The following IGF1R variants were observed in gnomAD, a reference collection of about 807,000 sequenced individuals.
IGF1R encodes the protein insulin-like growth factor 1 receptor.
A neutral mutation model predicts 144.6 loss-of-function variants in IGF1R; 44 were observed. That is an observed-to-expected ratio of 0.30 (90% confidence interval 0.24 to 0.39). The LOEUF (loss-of-function observed/expected upper bound fraction) is 0.39, where lower values mean the gene tolerates loss of function less well. Among genes scored for constraint, IGF1R ranks in the 10% least tolerant of loss-of-function variants. The probability of loss-of-function intolerance (pLI) is 1.00; values close to 1 mark genes in which losing one functional copy is unlikely to be tolerated. For synonymous variants in IGF1R, 795 were observed against 722.8 expected, an observed-to-expected ratio of 1.10 and a Z score of -1.60; for missense variants, 1,355 against 1,833.7, an observed-to-expected ratio of 0.74 and a Z score of 4.77.
intron 2 of IGF1R, among the ~76,000 whole-genome samples, chr15:98,768,556 A>G (rs1022087898): frequency 1.3e-5 from 2 of 150,226 alleles, no homozygotes; most frequent in Non-Finnish European, 3.0e-5. Context: ...TGGAGGTTGC[A>G]GGGAGCCGAG....
intron 2 of IGF1R, among the ~76,000 whole-genome samples, chr15:98,830,667 C>T (rs1013165809): frequency 6.7e-6 from 1 of 149,148 alleles, no homozygotes; most frequent in Non-Finnish European, 1.5e-5. Context: ...ACAGTGGCGC[C>T]ATCTTGGCTC....
chr15:98,931,107 A>G (rs1183915192), intron 15 of IGF1R, among the ~76,000 whole-genome samples: 1 of 152,204 alleles, frequency 6.6e-6, no homozygotes, highest in Non-Finnish European at 1.5e-5. Context: ...AACTCTGGGA[A>G]AAAACTTGTG....
At chr15:98,667,222 C>T (rs1005366834) in intron 1 of IGF1R, among the ~76,000 whole-genome samples, 2 of 152,184 alleles carry the variant, frequency 1.3e-5, no homozygotes, top group Non-Finnish European at 2.9e-5. Context: ...GCTAATCAGC[C>T]ATGTGACGTG....
intron 2 of IGF1R, among the ~76,000 whole-genome samples, chr15:98,862,351 C>G (rs567347091): frequency 6.6e-6 from 1 of 152,194 alleles, no homozygotes; most frequent in Non-Finnish European, 1.5e-5. Context: ...GTTGACTGTT[C>G]CTCTTTGCAT....
intron 2 of IGF1R, among the ~76,000 whole-genome samples, chr15:98,735,593 A>G (rs977461091): frequency 3.3e-5 from 5 of 152,240 alleles, no homozygotes; most frequent in Non-Finnish European, 7.3e-5. Flanking sequence ...TCCCGGCCTC[A>G]GTAAGGAAGA....
At chr15:98,895,227 C>CACACACAG (rs1298380038) in intron 3 of IGF1R, among the ~76,000 whole-genome samples, 647 of 19,512 alleles carry the variant, frequency 0.033, 7 homozygotes, top group African/African-American at 0.11. Context: ...CAGCACCACA[C>CACACACAG]ACACACACAC....
At chr15:98,855,374 T>G (rs1227627756) in intron 2 of IGF1R, among the ~76,000 whole-genome samples, 2 of 152,340 alleles carry the variant, frequency 1.3e-5, no homozygotes, top group Non-Finnish European at 1.5e-5. Context: ...GAGGGAGTTA[T>G]GAGGATTAAC....
At position 98,821,283 on chromosome 15, in the gene IGF1R, T is replaced by TC. The variant is rs1401856414; in HGVS notation, c.641-70032dup. On this transcript the variant is annotated intron_variant, in intron 2 of 20. Coordinates refer to ENST00000650285, the MANE Select transcript of IGF1R (RefSeq NM_000875.5). ...AGTTGTCTTTTATTTTAAACACGCCTCCCCCCCCCCTTTTTAAACTGATTT... is the reference window on the plus strand; with the variant it reads ...AGTTGTCTTTTATTTTAAACACGCCTCCCCCCCCCCCTTTTTAAACTGATTT... Among the ~76,000 whole-genome samples the TC allele has an allele frequency of 9.5e-3, 1,167 of 122,790 alleles. 5 individuals carry two copies. The highest frequency in any genetic ancestry group is 0.037 in the South Asian group (121 of 3,252). 80.6% of individuals were successfully genotyped at this position (122,790 alleles called of 152,430 possible).
chr15:98,895,770 C>T (rs958449414), intron 3 of IGF1R, among the ~76,000 whole-genome samples: 10 of 152,180 alleles, frequency 6.6e-5, no homozygotes, highest in Non-Finnish European at 1.3e-4. Flanking sequence ...CATTGTTTTT[C>T]TTGAATGTTT....
chr15:98,954,473 T>C (rs80259805), intron 20 of IGF1R: 1 of 152,200 alleles, frequency 6.6e-6, no homozygotes, highest in South Asian at 2.1e-4. Context: ...CTAATGGAGA[T>C]TTTTTGTGTG....
chr15:98,713,364 G>A (rs1190418487), intron 2 of IGF1R, among the ~76,000 whole-genome samples: 2 of 152,172 alleles, frequency 1.3e-5, no homozygotes, highest in African/African-American at 4.8e-5. Flanking sequence ...AGTCTTCGGT[G>A]AGCCAGTTGT....
At chr15:98,662,881 T>C (rs2052633753) in intron 1 of IGF1R, among the ~76,000 whole-genome samples, 1 of 152,094 alleles carries the variant, frequency 6.6e-6, no homozygotes, top group African/African-American at 2.4e-5. Context: ...ATCCGGTGTT[T>C]GTGTGGTGGG....
intron 2 of IGF1R, among the ~76,000 whole-genome samples, chr15:98,874,670 G>T (rs142869601): frequency 6.6e-6 from 1 of 152,196 alleles, no homozygotes; most frequent in Non-Finnish European, 1.5e-5. Context: ...CATTTGACTG[G>T]ATGTCGTGAT....
At chr15:98,747,399 T>C (rs558965179) in intron 2 of IGF1R, among the ~76,000 whole-genome samples, 37 of 152,180 alleles carry the variant, frequency 2.4e-4, no homozygotes, top group Middle Eastern at 3.2e-3. Context: ...GGTTTCACTA[T>C]GTTGGCCTGG....
At chr15:98,788,062 C>CTGTG (rs59500414) in intron 2 of IGF1R, among the ~76,000 whole-genome samples, 4 of 131,032 alleles carry the variant, frequency 3.1e-5, no homozygotes, top group African/African-American at 6.1e-5. Context: ...CTCTCTCTCT[C>CTGTG]TGTGTGTGTG....
chr15:98,668,832 A>G (rs907452017), intron 1 of IGF1R, among the ~76,000 whole-genome samples: 1 of 152,170 alleles, frequency 6.6e-6, no homozygotes, highest in Non-Finnish European at 1.5e-5. Flanking sequence ...AGCTGACACC[A>G]GCATCAGTGA....
intron 2 of IGF1R, among the ~76,000 whole-genome samples, chr15:98,818,672 G>C (rs1329356714): frequency 1.3e-5 from 2 of 151,910 alleles, no homozygotes; most frequent in African/African-American, 4.8e-5. Flanking sequence ...AGTTGTGGGG[G>C]GCTGTCCTGT....
chr15:98,712,480 C>T (rs1381878472), intron 2 of IGF1R, among the ~76,000 whole-genome samples: 1 of 152,164 alleles, frequency 6.6e-6, no homozygotes, highest in East Asian at 1.9e-4. Flanking sequence ...AGGCCCTTTC[C>T]CTCCCGAATG....
chr15:98,828,036 A>T (rs2056927695), intron 2 of IGF1R, among the ~76,000 whole-genome samples: 1 of 152,140 alleles, frequency 6.6e-6, no homozygotes, highest in African/African-American at 2.4e-5. Flanking sequence ...GGAAGAGGGG[A>T]GGTGGCGTGA....
Sources: allele counts gnomAD v4.1 joint callset (sites outside exome capture counted in the v4.1 genomes callset), GRCh38; gene constraint gnomAD v4.1.1; transcripts MANE v1.5; gene names NCBI Gene and HGNC (gene_info 2026-07-23, HGNC 2026-07-21).